Variants in SPIDR observed in about 807,000 individuals in gnomAD.
SPIDR encodes DNA repair-scaffolding protein.
In SPIDR, 93 loss-of-function variants were observed where a neutral mutation model predicts 104.6. The observed-to-expected ratio is 0.89, with a 90% CI of 0.75 to 1.06. The LOEUF (loss-of-function observed/expected upper bound fraction) is 1.06. SPIDR is among the 50% of genes least tolerant of loss of function. SPIDR has a pLI of 0.00. For missense variants in SPIDR, 1,154 were observed against 1,111.2 expected, an observed-to-expected ratio of 1.04 and a Z score of -0.55; for synonymous variants, 431 against 416.9, an observed-to-expected ratio of 1.03 and a Z score of -0.41.
chr8:47,330,383 G>C (rs1404198948), intron 5 of SPIDR, among the ~76,000 whole-genome samples: 1 of 152,066 alleles, frequency 6.6e-6, no homozygotes, highest in East Asian at 1.9e-4. Context: ...AAAGTCACTA[G>C]TTTCTATCAG....
At chr8:47,326,619 C>T (rs1163306342) in intron 5 of SPIDR, among the ~76,000 whole-genome samples, 2 of 152,228 alleles carry the variant, frequency 1.3e-5, no homozygotes, top group Non-Finnish European at 2.9e-5. Context: ...CCGTATTCCC[C>T]ACCTCATCTC....
intron 10 of SPIDR, among the ~76,000 whole-genome samples, chr8:47,613,998 T>C (rs1376153100): frequency 6.6e-6 from 1 of 152,134 alleles, no homozygotes; most frequent in African/African-American, 2.4e-5. Flanking sequence ...ATTAGCTATT[T>C]ATCCTGAGGC....
intron 10 of SPIDR, among the ~76,000 whole-genome samples, chr8:47,615,390 G>A (rs898514602): frequency 1.4e-4 from 22 of 151,726 alleles, no homozygotes; most frequent in Non-Finnish European, 1.5e-5. Flanking sequence ...TAGGTATTGG[G>A]GACATTTTAA....
intron 11 of SPIDR, among the ~76,000 whole-genome samples, chr8:47,690,774 G>A (rs900762996): frequency 1.3e-5 from 2 of 152,086 alleles, no homozygotes; most frequent in Non-Finnish European, 2.9e-5. Flanking sequence ...AGCCAAGATC[G>A]CACCATTGCA....
At chr8:47,442,061 A>G (rs1563984231) in intron 8 of SPIDR, among the ~76,000 whole-genome samples, 1 of 152,208 alleles carries the variant, frequency 6.6e-6, no homozygotes, top group Non-Finnish European at 1.5e-5. Context: ...AATAACTGCT[A>G]GGACTACTCA....
intron 8 of SPIDR, among the ~76,000 whole-genome samples, chr8:47,524,415 A>G (rs1170039005): frequency 6.6e-6 from 1 of 152,198 alleles, no homozygotes; most frequent in East Asian, 1.9e-4. Flanking sequence ...ACTGTTTCAC[A>G]TGCCTAACTG....
chr8:47,730,002 A>G (rs996055447), intron 19 of SPIDR, among the ~76,000 whole-genome samples: 4 of 152,202 alleles, frequency 2.6e-5, no homozygotes, highest in African/African-American at 9.7e-5. Context: ...TACAGGCATG[A>G]GCCGCTGCAC....
Position 47,713,643 on chromosome 8 carries a change from T to C in SPIDR, c.2341+2T>C. 2 of 1,613,980 alleles carry C rather than the reference T, an allele frequency of 1.2e-6. No homozygotes were observed. Among genetic ancestry groups the C allele is most frequent in the Non-Finnish European group, 1.7e-6 (2 of 1,179,910 alleles). On this transcript the variant is annotated splice_donor_variant, in intron 16 of 19. Coordinates refer to ENST00000297423, the MANE Select transcript of SPIDR (RefSeq NM_001080394.4). LOFTEE classifies it high-confidence loss of function. The stretch of plus-strand genomic sequence containing the variant: ...TCAACTCCATCTGCAGTGTTCAAGG[T>C]AGGCAGCCATCTCACAGGAATTGGT...
At chr8:47,519,300 A>G (rs980229304) in intron 8 of SPIDR, among the ~76,000 whole-genome samples, 11 of 152,176 alleles carry the variant, frequency 7.2e-5, no homozygotes, top group Non-Finnish European at 8.8e-5. Flanking sequence ...GCATGCCACC[A>G]TGCCCAACTA....
In SPIDR at chr8:47,279,948, G is replaced by A; in HGVS notation, c.120G>A (p.Gly40=). 1 of 1,614,122 alleles carries A rather than the reference G, an allele frequency of 6.2e-7. No homozygotes were observed. The highest frequency in any genetic ancestry group is 2.2e-5 in the East Asian group (1 of 44,874). The change falls in exon 2 of 20, where the codon GGG becomes GGA. Residue 40 remains glycine, a synonymous_variant. Coordinates refer to ENST00000297423, the MANE Select transcript of SPIDR (RefSeq NM_001080394.4). The part of the protein sequence containing the change: ...QVRRAGLRTA[G]AAASLSEAWL... The stretch of plus-strand genomic sequence containing the variant: ...GAAGAGCAGGTCTCAGGACAGCAGG[G>A]GCAGCTGCCTCTCTCTCTGAAGCAT...
intron 5 of SPIDR, among the ~76,000 whole-genome samples, chr8:47,391,365 T>C (rs1471060045): frequency 1.3e-5 from 2 of 151,354 alleles, no homozygotes; most frequent in Non-Finnish European, 2.9e-5. Context: ...AAGTGAGACC[T>C]TGTCTCTACA....
chr8:47,365,772 A>G (rs1290923736), intron 5 of SPIDR, among the ~76,000 whole-genome samples: 1 of 152,160 alleles, frequency 6.6e-6, no homozygotes, highest in East Asian at 1.9e-4. Context: ...AGGGTGGATG[A>G]CCTATTTTAT....
chr8:47,433,561 A>G (rs1031773211), intron 7 of SPIDR, among the ~76,000 whole-genome samples: 2 of 152,154 alleles, frequency 1.3e-5, no homozygotes, highest in Non-Finnish European at 2.9e-5. Context: ...TAAGACTACT[A>G]ATGGGTATGC....
intron 5 of SPIDR, among the ~76,000 whole-genome samples, chr8:47,333,135 C>G (rs2049062522): frequency 6.6e-6 from 1 of 152,166 alleles, no homozygotes; most frequent in African/African-American, 2.4e-5. Flanking sequence ...ACCTCCGTAT[C>G]TTATTCCACT....
chr8:47,651,820 G>A (rs1331502382), intron 10 of SPIDR, among the ~76,000 whole-genome samples: 2 of 152,108 alleles, frequency 1.3e-5, no homozygotes, highest in Non-Finnish European at 2.9e-5. Context: ...GGATGGAGCT[G>A]GAGGCCATTA....
At chr8:47,680,717 A>G (rs2076990589) in intron 11 of SPIDR, among the ~76,000 whole-genome samples, 2 of 152,240 alleles carry the variant, frequency 1.3e-5, no homozygotes, top group Admixed American at 1.3e-4. Flanking sequence ...CCCTGCTTCA[A>G]AGGACATTTC....
intron 2 of SPIDR, among the ~76,000 whole-genome samples, chr8:47,280,384 T>G (rs1227130973): frequency 1.4e-5 from 2 of 143,124 alleles, no homozygotes; most frequent in African/African-American, 5.6e-5. Flanking sequence ...TGTGCCGCCG[T>G]GCCTGGCTAA....
chr8:47,454,887 A>T (rs182002226), intron 8 of SPIDR, among the ~76,000 whole-genome samples: 165 of 152,154 alleles, frequency 1.1e-3, no homozygotes, highest in Middle Eastern at 3.4e-3. Context: ...TCTCAAAAAA[A>T]AATAATAATA....
At chr8:47,544,613 C>G (rs1002674980) in intron 8 of SPIDR, among the ~76,000 whole-genome samples, 1 of 152,124 alleles carries the variant, frequency 6.6e-6, no homozygotes, top group African/African-American at 2.4e-5. Context: ...GGACTTCTTC[C>G]CTTCAATGAA....
Sources: allele counts gnomAD v4.1 joint callset (sites outside exome capture counted in the v4.1 genomes callset), GRCh38; gene constraint gnomAD v4.1.1; transcripts MANE v1.5; gene names NCBI Gene and HGNC (gene_info 2026-07-23, HGNC 2026-07-21).